The following FAM199X variants were observed in gnomAD, a reference collection of about 807,000 sequenced individuals.
The protein encoded by FAM199X is protein FAM199X.
Under a neutral mutation model 22.9 loss-of-function variants are expected in FAM199X, and 4 were observed. The ratio of observed to expected loss-of-function variants is 0.17; its 90% CI spans 0.09 to 0.40. The LOEUF is 0.40. FAM199X is among the 10% of genes least tolerant of loss of function. The probability of loss-of-function intolerance (pLI) is 1.00; values close to 1 mark genes in which losing one functional copy is unlikely to be tolerated. For missense variants in FAM199X, 183 were observed against 306.8 expected, an observed-to-expected ratio of 0.60 and a Z score of 3.01; for synonymous variants, 101 against 112.3, an observed-to-expected ratio of 0.90 and a Z score of 0.64.
chrX:104,187,059 G>C (rs1921821224), intron 4 of FAM199X, among the ~76,000 whole-genome samples: 1 of 109,744 alleles, frequency 9.1e-6, no homozygotes. Context: ...TCCCTCTGCT[G>C]TTCTGAAATA....
intron 2 of FAM199X, among the ~76,000 whole-genome samples, chrX:104,179,207 T>C (rs782599625): frequency 8.9e-6 from 1 of 112,188 alleles, no homozygotes; most frequent in South Asian, 3.7e-4. Context: ...AGAGATCACA[T>C]TGAATCTGTA....
intron 1 of FAM199X, among the ~76,000 whole-genome samples, chrX:104,168,814 GAGA>G (rs1224183504): frequency 9.1e-6 from 1 of 110,122 alleles, no homozygotes; most frequent in African/African-American, 3.3e-5. Context: ...GTGAGGAGGG[GAGA>G]AGGAGGTTCT....
intron 2 of FAM199X, among the ~76,000 whole-genome samples, chrX:104,182,381 A>G (rs549609757): frequency 1.8e-5 from 2 of 111,071 alleles, no homozygotes; most frequent in Middle Eastern, 4.6e-3. Context: ...AGAGCTTCCT[A>G]TCTAATTCCA....
chrX:104,168,270 C>T (rs1043553550), intron 1 of FAM199X, among the ~76,000 whole-genome samples: 1 of 111,778 alleles, frequency 8.9e-6, no homozygotes, highest in African/African-American at 3.3e-5. Flanking sequence ...GAAACAGGCC[C>T]AGAAAGAAAA....
At chrX:104,175,532 A>G in intron 1 of FAM199X, 91 bp from the exon 2 acceptor site, 1 of 761,729 alleles carries the variant, frequency 1.3e-6, no homozygotes, top group Non-Finnish European at 1.9e-6. Context: ...CACATTCCTT[A>G]TAAATGTTAT....
rs1400908445 is a variant in FAM199X at position 104,194,585 on chromosome X, G to A, written c.*4807G>A. 1 of 111,816 alleles carries A rather than the reference G, an allele frequency of 8.9e-6. No homozygotes were observed. The highest frequency in any genetic ancestry group is 3.2e-5 in the African/African-American group (1 of 30,873). The allele number at this position is 111,816 out of a possible 1,213,427, so 9.2% of individuals were successfully genotyped here. A position where few individuals can be genotyped will look rare whatever the true frequency, so the allele number is the denominator to read the frequency against. ...AATGGAGCAGATAATGTCTGTTCCT[G>A]TAGTGGATCCATTTAATTTCCTATT... On this transcript the variant is annotated 3_prime_UTR_variant, in exon 6 of 6. Coordinates refer to ENST00000493442, the MANE Select transcript of FAM199X (RefSeq NM_207318.4).
In FAM199X at chrX:104,195,703, CCTT is replaced by C. The variant is rs1922045637; in HGVS notation, c.*5926_*5928del. 9.0e-6 allele frequency: 1 copy of C among 110,898 alleles called. No homozygotes were observed. The highest frequency in any genetic ancestry group is 3.3e-5 in the African/African-American group (1 of 30,517). The allele number at this position is 110,898 out of a possible 1,213,427, so 9.1% of individuals were successfully genotyped here. A position where few individuals can be genotyped will look rare whatever the true frequency, so the allele number is the denominator to read the frequency against. ...AGAGGGAGATCTGTGGTTGCTTTCT[CCTT>C]TGGAGAATAGCTGCTTTGCTTTTAT... is the stretch of plus-strand genomic sequence containing the variant. On this transcript the variant is annotated 3_prime_UTR_variant, in exon 6 of 6. Coordinates refer to ENST00000493442, the MANE Select transcript of FAM199X (RefSeq NM_207318.4).
At chrX:104,161,256 C>A in the FAM199X span, among the ~76,000 whole-genome samples, 1 of 111,595 alleles carries the variant, frequency 9.0e-6, no homozygotes, top group Non-Finnish European at 1.9e-5. Context: ...TCTGAAAAGC[C>A]CTTTCTACAT....
intron 1 of FAM199X, among the ~76,000 whole-genome samples, chrX:104,168,546 T>C (rs1465952062): frequency 2.7e-5 from 3 of 112,325 alleles, no homozygotes; most frequent in African/African-American, 6.5e-5. Flanking sequence ...ATTTAAGTTT[T>C]GCAGCCTTGG....
upstream of FAM199X, among the ~76,000 whole-genome samples, chrX:104,163,996 C>A (rs1342902078): frequency 9.0e-6 from 1 of 111,606 alleles, no homozygotes; most frequent in Non-Finnish European, 1.9e-5. Flanking sequence ...AAAAAAAATT[C>A]TCTCACACCC....
Position 104,195,848 on chromosome X carries a change from A to G in FAM199X, c.*6070A>G, listed in dbSNP as rs553084845. On this transcript the variant is annotated 3_prime_UTR_variant, in exon 6 of 6. Coordinates refer to ENST00000493442, the MANE Select transcript of FAM199X (RefSeq NM_207318.4). The stretch of plus-strand genomic sequence containing the variant: ...AAGCTTGTTTAATGATGCCAATCTT[A>G]TGCTTTTCTGTAATCTTCAATTTTT... 9.1e-6 allele frequency: 1 copy of G among 110,182 alleles called. No individual in the cohort carries two copies. The highest frequency in any genetic ancestry group is 1.9e-5 in the Non-Finnish European group (1 of 52,680). 9.1% of individuals were successfully genotyped at this position (110,182 alleles called of 1,213,427 possible).
Position 104,194,420 on chromosome X carries a change from A to G in FAM199X, c.*4642A>G, listed in dbSNP as rs1456382843. 4.5e-5 allele frequency: 5 copies of G among 112,247 alleles called. No homozygotes were observed. Among genetic ancestry groups the G allele is most frequent in the South Asian group, 3.7e-4 (1 of 2,733 alleles). 9.3% of individuals were successfully genotyped at this position (112,247 alleles called of 1,213,427 possible). On this transcript the variant is annotated 3_prime_UTR_variant, in exon 6 of 6. Coordinates refer to ENST00000493442, the MANE Select transcript of FAM199X (RefSeq NM_207318.4). ...AACAAGTTAACACTTAATATTCTAA[A>G]TTGTTCTAAGGAACAGTGGCCTGAA...
intron 5 of FAM199X, 137 bp from the exon 6 acceptor site, chrX:104,189,471 T>C (rs1472862898): frequency 3.2e-6 from 2 of 619,748 alleles, no homozygotes; most frequent in Non-Finnish European, 2.6e-6. Context: ...GGCTCACTTA[T>C]TGGAACAAGG....
the FAM199X span, among the ~76,000 whole-genome samples, chrX:104,159,989 A>G: frequency 8.9e-6 from 1 of 112,071 alleles, no homozygotes; most frequent in Admixed American, 9.5e-5. Flanking sequence ...CTCCAGCCAT[A>G]TCCTGCTTCT....
At chrX:104,166,078 C>T (rs1257896499), upstream of FAM199X, among the ~76,000 whole-genome samples, 2 of 112,393 alleles carry the variant, frequency 1.8e-5, no homozygotes, top group Non-Finnish European at 3.8e-5. Context: ...CACCTCATTG[C>T]ACGGTGCTGG....
chrX:104,168,712 A>G (rs1379860397), intron 1 of FAM199X, among the ~76,000 whole-genome samples: 4 of 110,295 alleles, frequency 3.6e-5, no homozygotes, highest in East Asian at 2.9e-4. Flanking sequence ...GTTTCTTACA[A>G]CTTGTTCTGT....
chrX:104,159,822 A>C, the FAM199X span, among the ~76,000 whole-genome samples: 1 of 111,807 alleles, frequency 8.9e-6, no homozygotes, highest in Non-Finnish European at 1.9e-5. Flanking sequence ...CCCAACCCCT[A>C]CACACACAAC....
rs1556380788 is a variant in FAM199X, at chrX:104,192,980, G to A, written c.*3202G>A. 1.8e-5 allele frequency: 2 copies of A among 111,829 alleles called. No individual in the cohort carries two copies. Among genetic ancestry groups the A allele is most frequent in the Admixed American group, 1.9e-4 (2 of 10,529 alleles). The allele number at this position is 111,829 out of a possible 1,213,427, so 9.2% of individuals were successfully genotyped here. ...AGCAAATGTCTTCATATTTTAGCCA[G>A]AAATATTAGTACACAACCAATATAG... is the stretch of plus-strand genomic sequence containing the variant. On this transcript the variant is annotated 3_prime_UTR_variant, in exon 6 of 6. Transcript: ENST00000493442.
rs1378185141 is a variant in FAM199X, at chrX:104,195,885, G to A, written c.*6107G>A. 1.8e-5 allele frequency: 2 copies of A among 109,117 alleles called. No homozygotes were observed. Among genetic ancestry groups the A allele is most frequent in the African/African-American group, 6.7e-5 (2 of 30,040 alleles). The allele number at this position is 109,117 out of a possible 1,213,427, so 9.0% of individuals were successfully genotyped here. A position where few individuals can be genotyped will look rare whatever the true frequency, so the allele number is the denominator to read the frequency against. On this transcript the variant is annotated 3_prime_UTR_variant, in exon 6 of 6. Transcript: ENST00000493442. ...AATCTTCAATTTTTAATAAATGTGA[G>A]TTAGATACTAAGTGAAATGTGCGTG...
Sources: gnomAD v4.1 joint callset for allele counts (sites outside exome capture counted in the v4.1 genomes callset) on GRCh38, gnomAD v4.1.1 for gene constraint, MANE v1.5 for transcripts, NCBI Gene and HGNC (gene_info 2026-07-23, HGNC 2026-07-21) for gene names.